RIMS2: variants seen among roughly 807,000 people sequenced by gnomAD.
The protein encoded by RIMS2 is regulating synaptic membrane exocytosis 2, also known as regulating synaptic membrane exocytosis protein 2.
Under a neutral mutation model 174.4 loss-of-function variants are expected in RIMS2, and 59 were observed. That is an observed-to-expected ratio of 0.34 (90% CI 0.27 to 0.42). The LOEUF (loss-of-function observed/expected upper bound fraction) is 0.42, where lower values mean the gene tolerates loss of function less well. RIMS2 is among the 10% of genes least tolerant of loss of function. The pLI is 1.00. For synonymous variants in RIMS2, 606 were observed against 572.5 expected (o/e 1.06, Z -0.84); for missense variants, 1,620 against 1,666.3 (o/e 0.97, Z 0.48).
At chr8:103,598,681 G>C (rs1376507908) in intron 1 of RIMS2, among the ~76,000 whole-genome samples, 3 of 152,120 alleles carry the variant, frequency 2.0e-5, no homozygotes, top group Non-Finnish European at 4.4e-5. Flanking sequence ...TTGACATGAT[G>C]ATATAATGGT....
chr8:103,669,320 T>C (rs549714452), intron 1 of RIMS2, among the ~76,000 whole-genome samples: 7 of 152,206 alleles, frequency 4.6e-5, no homozygotes, highest in Non-Finnish European at 1.0e-4. Flanking sequence ...TTATGGAAGC[T>C]ACAATTCAAG....
At chr8:103,913,410 G>A (rs1340042998) in intron 6 of RIMS2, among the ~76,000 whole-genome samples, 1 of 151,906 alleles carries the variant, frequency 6.6e-6, no homozygotes, top group East Asian at 1.9e-4. Context: ...TTCCAGCCTG[G>A]GCAACAGAGT....
chr8:103,992,274 A>AATTTTTTTTTTT (rs1565726059), intron 17 of RIMS2, among the ~76,000 whole-genome samples: 1 of 107,106 alleles, frequency 9.3e-6, no homozygotes. Flanking sequence ...ATGTCCAGCT[A>AATTTTTTTTTTT]TTTTTTTTTT....
intron 3 of RIMS2, among the ~76,000 whole-genome samples, chr8:103,770,226 G>T (rs1434671560): frequency 6.6e-6 from 1 of 152,176 alleles, no homozygotes; most frequent in Non-Finnish European, 1.5e-5. Context: ...GTCTATGGCT[G>T]CTGTCAGCTA....
intron 1 of RIMS2, among the ~76,000 whole-genome samples, chr8:103,604,572 C>G (rs1374854236): frequency 2.6e-5 from 4 of 151,434 alleles, no homozygotes; most frequent in African/African-American, 9.8e-5. Flanking sequence ...GGCATTCAAT[C>G]TGTAAATTAC....
intron 3 of RIMS2, among the ~76,000 whole-genome samples, chr8:103,806,054 GAT>G (rs1275801252): frequency 6.6e-6 from 1 of 151,994 alleles, no homozygotes; most frequent in African/African-American, 2.4e-5. Flanking sequence ...AAAGTTTTGA[GAT>G]ATAACTTAAA....
At chr8:103,868,349 G>A (rs926913029) in intron 3 of RIMS2, among the ~76,000 whole-genome samples, 1 of 151,914 alleles carries the variant, frequency 6.6e-6, no homozygotes, top group Non-Finnish European at 1.5e-5. Context: ...AAGGCAATAC[G>A]TTCTTGTTCC....
At chr8:103,637,628 A>G (rs927513525) in intron 1 of RIMS2, among the ~76,000 whole-genome samples, 1 of 152,168 alleles carries the variant, frequency 6.6e-6, no homozygotes, top group African/African-American at 2.4e-5. Flanking sequence ...GAGAGTTGCA[A>G]AGATGGTTCA....
intron 1 of RIMS2, among the ~76,000 whole-genome samples, chr8:103,600,280 T>C (rs2094668134): frequency 6.6e-6 from 1 of 152,016 alleles, no homozygotes; most frequent in Non-Finnish European, 1.5e-5. Context: ...TCTTTCTTTC[T>C]TTTTTCTGAG....
At chr8:103,874,194 C>T (rs1032485022) in intron 3 of RIMS2, among the ~76,000 whole-genome samples, 1 of 152,024 alleles carries the variant, frequency 6.6e-6, no homozygotes, top group African/African-American at 2.4e-5. Context: ...AACTCTCAAT[C>T]ATGAAACAAT....
At chr8:103,639,311 A>T (rs1020666032) in intron 1 of RIMS2, among the ~76,000 whole-genome samples, 1 of 151,306 alleles carries the variant, frequency 6.6e-6, no homozygotes, top group Non-Finnish European at 1.5e-5. Flanking sequence ...CCAGGGATTT[A>T]AAAAAAAAGT....
At chr8:103,698,769 C>T (rs1400708451) in intron 2 of RIMS2, among the ~76,000 whole-genome samples, 1 of 152,070 alleles carries the variant, frequency 6.6e-6, no homozygotes, top group Non-Finnish European at 1.5e-5. Context: ...TGGTGCCTGT[C>T]TGATTTAATA....
intron 15 of RIMS2, among the ~76,000 whole-genome samples, chr8:103,971,950 T>C (rs182275183): frequency 1.1e-3 from 171 of 152,280 alleles, no homozygotes; most frequent in African/African-American, 3.4e-3. Context: ...TGCTTTTTCA[T>C]CTAGTCACAA....
chr8:103,640,413 TC>T (rs2096203458), intron 1 of RIMS2, among the ~76,000 whole-genome samples: 1 of 151,970 alleles, frequency 6.6e-6, no homozygotes, highest in South Asian at 2.1e-4. Context: ...TTTATTTTTC[TC>T]TGCTTAGATT....
At chr8:104,037,516 G>T (rs1466072618) in intron 19 of RIMS2, among the ~76,000 whole-genome samples, 2 of 152,174 alleles carry the variant, frequency 1.3e-5, no homozygotes, top group Non-Finnish European at 2.9e-5. Flanking sequence ...TAGCCAATCA[G>T]CAGAATTTCA....
chr8:103,553,847 AACAG>A (rs1415000861), intron 1 of RIMS2, among the ~76,000 whole-genome samples: 1 of 131,798 alleles, frequency 7.6e-6, no homozygotes, highest in Non-Finnish European at 1.7e-5. Flanking sequence ...CTGGTACAAA[AACAG>A]ACAGATAGAC....
At chr8:104,087,314 T>C (rs2097552289) in intron 19 of RIMS2, among the ~76,000 whole-genome samples, 1 of 152,106 alleles carries the variant, frequency 6.6e-6, no homozygotes, top group African/African-American at 2.4e-5. Flanking sequence ...CTCTGGGAGT[T>C]TATAATCTAG....
intron 1 of RIMS2, among the ~76,000 whole-genome samples, chr8:103,612,240 C>T (rs925231050): frequency 1.3e-4 from 20 of 152,198 alleles, no homozygotes; most frequent in African/African-American, 4.1e-4. Context: ...ATATTGAATT[C>T]TCTGTCTGAC....
At chr8:103,834,326 CTTTTTCTTTTTTTTTTTT>C (rs2098844432) in intron 3 of RIMS2, among the ~76,000 whole-genome samples, 1 of 118,998 alleles carries the variant, frequency 8.4e-6, no homozygotes, top group Non-Finnish European at 1.7e-5. Context: ...TTTCTTTTTT[CTTTTTCTTTTTTTTTTTT>C]TTTTTTTAAG....
Sources: allele counts gnomAD v4.1 joint callset (sites outside exome capture counted in the v4.1 genomes callset), GRCh38; gene constraint gnomAD v4.1.1; transcripts MANE v1.5; gene names NCBI Gene and HGNC (gene_info 2026-07-23, HGNC 2026-07-21).